Variants in CFAP53 observed in about 807,000 individuals in gnomAD.
The protein encoded by CFAP53 is cilia and flagella associated protein 53.
CFAP53 carries 62 observed loss-of-function variants against 59.7 expected under a neutral mutation model. The ratio of observed to expected loss-of-function variants is 1.04; its 90% CI spans 0.85 to 1.28. The LOEUF (loss-of-function observed/expected upper bound fraction) is 1.28. Ranked by LOEUF, CFAP53 falls within the 50% of genes most tolerant of loss-of-function variation. The pLI, the probability that CFAP53 is intolerant of heterozygous loss-of-function variation, is 0.00. For missense variants in CFAP53, 629 were observed against 615.6 expected, an observed-to-expected ratio of 1.02 and a Z score of -0.23; for synonymous variants, 218 against 205.7, an observed-to-expected ratio of 1.06 and a Z score of -0.51.
At chr18:50,254,343 G>C (rs1001040803) in intron 3 of CFAP53, among the ~76,000 whole-genome samples, 4 of 151,948 alleles carry the variant, frequency 2.6e-5, no homozygotes, top group African/African-American at 9.7e-5. Context: ...AAAATGTACA[G>C]ATGGAAAATA....
intron 6 of CFAP53, among the ~76,000 whole-genome samples, chr18:50,240,098 C>T (rs2033674680): frequency 6.6e-6 from 1 of 152,140 alleles, no homozygotes; most frequent in Non-Finnish European, 1.5e-5. Flanking sequence ...ACCTGCTCCA[C>T]CCTGACTCAT....
intron 1 of CFAP53, among the ~76,000 whole-genome samples, chr18:50,265,282 C>A (rs966055952): frequency 1.5e-4 from 23 of 152,070 alleles, no homozygotes; most frequent in Non-Finnish European, 3.4e-4. Context: ...GGGTCACAGT[C>A]AAAACACAAG....
rs574592418 is a variant in CFAP53, at chr18:50,227,377, G to T, written c.*4C>A. The T allele has an allele frequency of 1.2e-6, 2 of 1,605,982 alleles. No homozygotes were observed. The highest frequency in any genetic ancestry group is 1.7e-6 in the Non-Finnish European group (2 of 1,172,956). On this transcript the variant is annotated 3_prime_UTR_variant, in exon 8 of 8. Transcript: ENST00000398545. ...CAAGAAAAGATATATTGATGCTCAC[G>T]GAACTACGGTGGAAGCTTACTGGGG...
intron 6 of CFAP53, 98 bp downstream of exon 6, chr18:50,242,802 G>GTGTTTTAC: frequency 2.1e-6 from 2 of 973,554 alleles, no homozygotes; most frequent in South Asian, 2.9e-5. Flanking sequence ...ATCCCTCATG[G>GTGTTTTAC]TGTTTTACAT....
At chr18:50,248,749 C>T (rs556619167) in intron 5 of CFAP53, among the ~76,000 whole-genome samples, 1 of 147,946 alleles carries the variant, frequency 6.8e-6, no homozygotes, top group African/African-American at 2.5e-5. Context: ...CATGCCACTG[C>T]ACTCCAGCCT....
In CFAP53 at chr18:50,266,348, TTTGGGG is replaced by T; in HGVS notation, c.51_56del (p.Pro18_Lys19del). 6.2e-7 allele frequency: 1 copy of T among 1,614,246 alleles called. No homozygotes were observed. The highest frequency in any genetic ancestry group is 8.5e-7 in the Non-Finnish European group (1 of 1,180,026). On this transcript the variant is annotated inframe_deletion, in exon 1 of 8. Transcript: ENST00000398545. ...ATCCTGTGCTTACCACGATCACCAC[TTTGGGG>T]GTGGGGCCCTTAACCTCCCGCTGTA...
rs1328639881 is a variant in CFAP53, at chr18:50,266,444, T to C, written c.-40A>G. 1.2e-6 allele frequency: 2 copies of C among 1,603,920 alleles called. No homozygotes were observed. ...CGGGACGGGGGCGGCGTCCGCCGCG[T>C]TTCCCCCAACCGTGGCGACCTGCGG... On this transcript the variant is annotated 5_prime_UTR_variant, in exon 1 of 8. Transcript: ENST00000398545.
chr18:50,229,726 CT>C (rs200521172), intron 7 of CFAP53, among the ~76,000 whole-genome samples: 1 of 121,002 alleles, frequency 8.3e-6, no homozygotes, highest in Admixed American at 1.1e-4. Context: ...TAGTCTCTTT[CT>C]TTTTTTCTTT....
intron 6 of CFAP53, 100 bp from the exon 7 acceptor site, chr18:50,238,805 GC>G (rs2033661508): frequency 6.3e-6 from 5 of 788,864 alleles, no homozygotes; most frequent in Non-Finnish European, 1.0e-5. Flanking sequence ...GAAAGGCAGA[GC>G]TTAGAATCAA....
chr18:50,248,347 A>G (rs565826476), intron 5 of CFAP53, among the ~76,000 whole-genome samples: 2 of 152,196 alleles, frequency 1.3e-5, no homozygotes, highest in Non-Finnish European at 2.9e-5. Context: ...GGATGTGGAG[A>G]AACTGGATTG....
chr18:50,236,339 T>A (rs553586691), intron 7 of CFAP53, among the ~76,000 whole-genome samples: 2 of 152,344 alleles, frequency 1.3e-5, no homozygotes, highest in African/African-American at 4.8e-5. Context: ...CTTGGTAAAT[T>A]CTTTTACCCC....
intron 3 of CFAP53, among the ~76,000 whole-genome samples, chr18:50,253,080 G>A (rs1482711777): frequency 6.6e-6 from 1 of 150,894 alleles, no homozygotes; most frequent in Non-Finnish European, 1.5e-5. Flanking sequence ...GCAGTGGCAC[G>A]ATCTCGGCTC....
At chr18:50,227,994 C>T (rs952757136) in intron 7 of CFAP53, among the ~76,000 whole-genome samples, 13 of 122,656 alleles carry the variant, frequency 1.1e-4, no homozygotes, top group Admixed American at 3.3e-4. Context: ...GAGTCTCGCT[C>T]TGTCACCCAG....
At chr18:50,264,258 C>T (rs569237638) in intron 1 of CFAP53, among the ~76,000 whole-genome samples, 1 of 152,170 alleles carries the variant, frequency 6.6e-6, no homozygotes, top group African/African-American at 2.4e-5. Context: ...ATTTTACTAA[C>T]TACTGTGGGT....
chr18:50,253,018 CTT>C (rs1202677473), intron 3 of CFAP53, among the ~76,000 whole-genome samples: 23 of 142,132 alleles, frequency 1.6e-4, no homozygotes, highest in Admixed American at 2.1e-4. Flanking sequence ...GACCCTGTTT[CTT>C]TTTTTTTTTT....
intron 3 of CFAP53, among the ~76,000 whole-genome samples, chr18:50,252,504 A>C (rs2033810842): frequency 6.6e-6 from 1 of 152,056 alleles, no homozygotes; most frequent in African/African-American, 2.4e-5. Flanking sequence ...CCTGGCCTCA[A>C]GTGATCCTCC....
rs756338765 is a variant in CFAP53, at chr18:50,243,122, T to TA, written c.997-7dup. 7 of 1,599,384 alleles carry TA rather than the reference T, an allele frequency of 4.4e-6. No individual in the cohort carries two copies. In the Admixed American group the frequency reaches 1.2e-4, roughly 27 times the overall value. Reference sequence around the variant, plus strand: ...TGTTCTCTTATCATATCTTCCTATGTAACATAAAAATTCATATTGTTAAAA... The same window carrying TA: ...TGTTCTCTTATCATATCTTCCTATGTAAACATAAAAATTCATATTGTTAAAA... On this transcript the variant is annotated splice_region_variant and splice_polypyrimidine_tract_variant and intron_variant, in intron 5 of 7. Transcript: ENST00000398545.
intron 5 of CFAP53, among the ~76,000 whole-genome samples, chr18:50,249,369 C>G (rs1023189744): frequency 2.0e-5 from 3 of 151,570 alleles, no homozygotes; most frequent in African/African-American, 7.3e-5. Flanking sequence ...AATAAGAAAA[C>G]TAGCTGAGCA....
At chr18:50,234,013 C>T (rs2033607095) in intron 7 of CFAP53, among the ~76,000 whole-genome samples, 1 of 152,190 alleles carries the variant, frequency 6.6e-6, no homozygotes, top group Non-Finnish European at 1.5e-5. Context: ...AGGGATCTGG[C>T]CCTTTTATAG....
Sources: gnomAD v4.1 joint callset for allele counts (sites outside exome capture counted in the v4.1 genomes callset) on GRCh38, gnomAD v4.1.1 for gene constraint, MANE v1.5 for transcripts, NCBI Gene and HGNC (gene_info 2026-07-23, HGNC 2026-07-21) for gene names.